The following ITGB1 variants were observed in gnomAD, a reference collection of about 807,000 sequenced individuals.
The protein encoded by ITGB1 is integrin subunit beta 1.
In ITGB1, 24 loss-of-function variants were observed where a neutral mutation model predicts 86.5. The ratio of observed to expected loss-of-function variants is 0.28; its 90% confidence interval spans 0.20 to 0.39. The LOEUF (loss-of-function observed/expected upper bound fraction) is 0.39, where lower values mean the gene tolerates loss of function less well. Ranked by LOEUF, ITGB1 falls within the 10% of genes least tolerant of loss-of-function variation. The pLI, the probability that ITGB1 is intolerant of heterozygous loss-of-function variation, is 1.00. For synonymous variants in ITGB1, 323 were observed against 316.8 expected, an observed-to-expected ratio of 1.02 and a Z score of -0.21; for missense variants, 556 against 946.9, an observed-to-expected ratio of 0.59 and a Z score of 5.42.
chr10:32,929,809 T>C lies in ITGB1; in HGVS notation c.376+13A>G. 3.4e-6 allele frequency: 5 copies of C among 1,463,886 alleles called. No homozygotes were observed. The highest frequency in any genetic ancestry group is 4.8e-6 in the Non-Finnish European group (5 of 1,043,074). 90.7% of individuals were successfully genotyped at this position (1,463,886 alleles called of 1,614,324 possible). On this transcript the variant is annotated intron_variant, in intron 4 of 15. Transcript: ENST00000302278. ...GTAAACACGCAGGTATTCACAGAGT[T>C]GGGCTTCCATACCTGATCTTAATCG...
At chr10:32,930,641 A>G (rs889840902) in intron 3 of ITGB1, among the ~76,000 whole-genome samples, 1 of 152,330 alleles carries the variant, frequency 6.6e-6, no homozygotes. Flanking sequence ...TTTTTAAAAA[A>G]CTTTTAAAAA....
intron 1 of ITGB1, among the ~76,000 whole-genome samples, chr10:32,951,031 A>T (rs750698364): frequency 6.6e-6 from 1 of 152,192 alleles, no homozygotes. Context: ...ATGCCTAAAG[A>T]TAATACGTTG....
intron 13 of ITGB1, 39 bp downstream of exon 13, chr10:32,911,409 G>A (rs766073962): frequency 1.3e-6 from 2 of 1,538,052 alleles, no homozygotes; most frequent in South Asian, 1.1e-5. Flanking sequence ...AGAGCCAAGA[G>A]GAAGTATCAA....
intron 1 of ITGB1, among the ~76,000 whole-genome samples, chr10:32,940,327 G>C (rs188663226): frequency 6.4e-4 from 93 of 144,258 alleles, no homozygotes; most frequent in African/African-American, 2.3e-3. Flanking sequence ...CCTGGCGACA[G>C]AGCTAGACTC....
At chr10:32,939,108 T>A (rs2095011667) in intron 1 of ITGB1, among the ~76,000 whole-genome samples, 1 of 152,228 alleles carries the variant, frequency 6.6e-6, no homozygotes, top group African/African-American at 2.4e-5. Context: ...TGGGTTTACC[T>A]GGATGCCCTA....
At chr10:32,945,278 T>C (rs1357661007) in intron 1 of ITGB1, among the ~76,000 whole-genome samples, 3 of 152,072 alleles carry the variant, frequency 2.0e-5, no homozygotes, top group African/African-American at 7.2e-5. Context: ...AAATGAACAA[T>C]TGGTAGTAAT....
At position 32,912,055 on chromosome 10, in the gene ITGB1, A is replaced by G. The variant is rs968326220; in HGVS notation, c.1539T>C (p.Asp513=). The G allele has an allele frequency of 1.9e-6, 3 of 1,614,230 alleles. No individual in the cohort carries two copies. Among genetic ancestry groups the G allele is most frequent in the Non-Finnish European group, 2.5e-6 (3 of 1,180,034 alleles). Residue 513 remains aspartate, a synonymous_variant, in exon 12 of 16, where the codon GAT becomes GAC. Coordinates refer to ENST00000302278, the MANE Select transcript of ITGB1 (RefSeq NM_002211.4). ...STDEVNSEDM[D]AYCRKENSSE... The stretch of plus-strand genomic sequence containing the variant: ...AACTGTTTTCTTTCCTGCAGTAAGC[A>G]TCCATGTCTTCACTGTTAACTTCAT...
intron 1 of ITGB1, among the ~76,000 whole-genome samples, chr10:32,936,850 T>C (rs796834351): frequency 7.9e-5 from 12 of 152,206 alleles, no homozygotes; most frequent in African/African-American, 2.6e-4. Flanking sequence ...AAAGCAAATT[T>C]ATACAAAAAA....
chr10:32,923,073 T>C (rs2094954953), intron 7 of ITGB1, among the ~76,000 whole-genome samples: 1 of 152,194 alleles, frequency 6.6e-6, no homozygotes, highest in Non-Finnish European at 1.5e-5. Context: ...CTATGTATAT[T>C]AAATATAAGG....
chr10:32,927,269 A>T (rs553722249), intron 5 of ITGB1, among the ~76,000 whole-genome samples: 2 of 152,168 alleles, frequency 1.3e-5, no homozygotes. Flanking sequence ...ATAACTGTCA[A>T]ATCTTTCTAA....
chr10:32,951,013 C>G (rs767737458), intron 1 of ITGB1, among the ~76,000 whole-genome samples: 2 of 152,064 alleles, frequency 1.3e-5, no homozygotes, highest in Non-Finnish European at 2.9e-5. Flanking sequence ...TACGCATTGG[C>G]AAACAAAATG....
At chr10:32,908,880 A>G (rs1315857505) in intron 14 of ITGB1, among the ~76,000 whole-genome samples, 1 of 152,234 alleles carries the variant, frequency 6.6e-6, no homozygotes, top group Admixed American at 6.5e-5. Context: ...TGATAAAAAG[A>G]AATCTTTCAG....
At chr10:32,903,639 T>G (rs1383494446) in intron 15 of ITGB1, among the ~76,000 whole-genome samples, 3 of 152,124 alleles carry the variant, frequency 2.0e-5, no homozygotes, top group Non-Finnish European at 4.4e-5. Context: ...ACACCTTGAC[T>G]GGTTGTTTCA....
At chr10:32,919,521 G>A (rs1358909288) in intron 11 of ITGB1, among the ~76,000 whole-genome samples, 5 of 152,104 alleles carry the variant, frequency 3.3e-5, no homozygotes, top group East Asian at 1.9e-4. Context: ...CGCCATCATC[G>A]GTTTGATGTT....
At chr10:32,920,219 T>C in intron 10 of ITGB1, 26 bp downstream of exon 10, 1 of 1,602,862 alleles carries the variant, frequency 6.2e-7, no homozygotes, top group Non-Finnish European at 8.5e-7. Flanking sequence ...CAATGTTTTC[T>C]ACAGAAAATG....
At chr10:32,907,222 CTTT>C (rs578057365) in intron 15 of ITGB1, 20 of 437,732 alleles carry the variant, frequency 4.6e-5, no homozygotes, top group South Asian at 4.2e-4. Context: ...CTATAAATGT[CTTT>C]TTTTTTATTT....
intron 15 of ITGB1, among the ~76,000 whole-genome samples, chr10:32,904,017 AAAAC>A: frequency 6.6e-6 from 1 of 150,912 alleles, no homozygotes. Flanking sequence ...AAAAAAAAAG[AAAAC>A]AAAAAATAAA....
chr10:32,947,073 C>T (rs2095033005), intron 1 of ITGB1, among the ~76,000 whole-genome samples: 2 of 151,994 alleles, frequency 1.3e-5, no homozygotes, highest in Admixed American at 1.3e-4. Flanking sequence ...AAACTCCTGA[C>T]CTCCAGCAAT....
In ITGB1 at chr10:32,920,077, A is replaced by G; in HGVS notation, c.1277T>C (p.Phe426Ser). ...SNISIGDEVQFEISITSNKCP... is the reference protein window; with the variant it reads ...SNISIGDEVQSEISITSNKCP... ...CTTATTTGAAGTTATGCTAATTTCA[A>G]ATTGAACCTTGAAGGGAAAAAAAAG... The change falls in exon 11 of 16, where the codon TTT becomes TCT. Residue 426 changes from phenylalanine to serine, a missense_variant. Phe to Ser is a radical substitution (Grantham distance 155, BLOSUM62 -2). Around this residue, in one of 4 missense-constraint regions of ITGB1, gnomAD observed 330 missense variants for 531.5 expected, o/e 0.62. Transcript: ENST00000302278. 1 of 1,613,322 alleles carries G rather than the reference A, an allele frequency of 6.2e-7. No homozygotes were observed. The highest frequency in any genetic ancestry group is 8.5e-7 in the Non-Finnish European group (1 of 1,179,356).
Sources: gnomAD v4.1 joint callset for allele counts (sites outside exome capture counted in the v4.1 genomes callset) on GRCh38, gnomAD v4.1.1 for gene constraint, gnomAD v4.1.1 regional missense constraint, MANE v1.5 for transcripts, NCBI Gene and HGNC (gene_info 2026-07-23, HGNC 2026-07-21) for gene names.